The following TTF2 variants were observed in gnomAD, a reference collection of about 807,000 sequenced individuals.
TTF2 encodes the protein transcription termination factor 2.
In TTF2, 108 loss-of-function variants were observed where a neutral mutation model predicts 142.4. The observed-to-expected ratio is 0.76, with a 90% CI of 0.65 to 0.89. The LOEUF (loss-of-function observed/expected upper bound fraction) is 0.89. Among genes scored for constraint, TTF2 ranks in the 40% least tolerant of loss-of-function variants. The pLI is 0.00. For synonymous variants in TTF2, 483 were observed against 506.2 expected (o/e 0.95, Z 0.61); for missense variants, 1,327 against 1,379.8 (o/e 0.96, Z 0.61).
In TTF2 at chr1:117,103,909, C is replaced by G. The variant is rs867084893; in HGVS notation, c.*2385C>G. The G allele has an allele frequency of 6.7e-6, 1 of 148,740 alleles. No homozygotes were observed. The highest frequency in any genetic ancestry group is 2.5e-5 in the African/African-American group (1 of 39,930). The allele number at this position is 148,740 out of a possible 1,614,324, so 9.2% of individuals were successfully genotyped here. A position where few individuals can be genotyped will look rare whatever the true frequency, so the allele number is the denominator to read the frequency against. ...TGGAGGTTGCAGTGAGCTGAGATCG[C>G]GCCATTGCACTCCAGCCTGGTGACA... is the stretch of plus-strand genomic sequence containing the variant. On this transcript the variant is annotated 3_prime_UTR_variant, in exon 23 of 23. Coordinates refer to ENST00000369466, the MANE Select transcript of TTF2 (RefSeq NM_003594.4).
intron 16 of TTF2, 131 bp from the exon 17 acceptor site, chr1:117,091,686 A>T: frequency 8.2e-7 from 1 of 1,225,006 alleles, no homozygotes; most frequent in Non-Finnish European, 1.1e-6. Flanking sequence ...TGGCCTATAG[A>T]AGTGAGTTGT....
rs1170298777 is a variant in TTF2, at chr1:117,106,700, A to C, written c.*5176A>C. 1 of 152,204 alleles carries C rather than the reference A, an allele frequency of 6.6e-6. No individual in the cohort carries two copies. The highest frequency in any genetic ancestry group is 1.5e-5 in the Non-Finnish European group (1 of 68,060). The allele number at this position is 152,204 out of a possible 1,614,324, so 9.4% of individuals were successfully genotyped here. ...ATTTGACCTAGTTAGGGAAGATCTG[A>C]GGAAGTGATGAAAGAATGGAAATCA... On this transcript the variant is annotated 3_prime_UTR_variant, in exon 23 of 23. Coordinates refer to ENST00000369466, the MANE Select transcript of TTF2 (RefSeq NM_003594.4).
At chr1:117,083,184 G>A (rs1452787605) in intron 10 of TTF2, among the ~76,000 whole-genome samples, 9 of 151,230 alleles carry the variant, frequency 6.0e-5, no homozygotes, top group Admixed American at 5.9e-4. Context: ...AGAGCTTGCA[G>A]TGAGCCGAGA....
At position 117,092,732 on chromosome 1, in the gene TTF2, C is replaced by T; in HGVS notation, c.2807C>T (p.Ala936Val). 6.2e-7 allele frequency: 1 copy of T among 1,613,804 alleles called. No homozygotes were observed. Among genetic ancestry groups the T allele is most frequent in the South Asian group, 1.1e-5 (1 of 91,020 alleles). Residue 936 changes from alanine to valine, a missense_variant and splice_region_variant, in exon 18 of 23, where the codon GCC becomes GTC. By Grantham distance (64) the Ala-to-Val change is moderately conservative. Coordinates refer to ENST00000369466, the MANE Select transcript of TTF2 (RefSeq NM_003594.4). This position sits in a 1 kb window ranked among gnomAD's most constrained non-coding sequence, Gnocchi z 4.4. ...TCCTGTCCTTTTTTGTCTGTTCAGG[C>T]CCTGGATCCAATGGAACTGAAGGGT... Reference protein sequence around the residue: ...CCCHLSLLKSALDPMELKGEG... With the variant: ...CCCHLSLLKSVLDPMELKGEG...
rs1649951801 is a variant in TTF2, at chr1:117,106,460, C to T, written c.*4936C>T. On this transcript the variant is annotated 3_prime_UTR_variant, in exon 23 of 23. Coordinates refer to ENST00000369466, the MANE Select transcript of TTF2 (RefSeq NM_003594.4). ...CTATTTTCTTGCTTAATTATCCACA[C>T]AGTAATTCAGAAATGTATATTGAAC... 6.6e-6 allele frequency: 1 copy of T among 152,208 alleles called. No homozygotes were observed. The highest frequency in any genetic ancestry group is 2.4e-5 in the African/African-American group (1 of 41,458). 9.4% of individuals were successfully genotyped at this position (152,208 alleles called of 1,614,324 possible).
At chr1:117,091,723 A>G in intron 16 of TTF2, 94 bp from the exon 17 acceptor site, 1 of 1,466,404 alleles carries the variant, frequency 6.8e-7, no homozygotes, top group East Asian at 2.3e-5. Context: ...CTGAGATCAA[A>G]CATGGTTAAA....
chr1:117,064,839 CT>C (rs745329992), intron 3 of TTF2, among the ~76,000 whole-genome samples: 16,420 of 139,146 alleles, frequency 0.12, 1,163 homozygotes, highest in African/African-American at 0.21. Flanking sequence ...TTTTCTTCTT[CT>C]TTTTTTTTTT....
Position 117,075,091 on chromosome 1 carries a change from GA to G in TTF2, c.509del (p.Lys170SerfsTer4). 6.2e-7 allele frequency: 1 copy of G among 1,614,092 alleles called. No homozygotes were observed. The highest frequency in any genetic ancestry group is 2.2e-5 in the East Asian group (1 of 44,870). On this transcript the variant is annotated frameshift_variant, in exon 5 of 23. Coordinates refer to ENST00000369466, the MANE Select transcript of TTF2 (RefSeq NM_003594.4). LOFTEE classifies it high-confidence loss of function. The surrounding 1 kb of genome is among the most constrained non-coding windows in gnomAD (Gnocchi z 4.5). The part of the protein sequence containing the change: ...DQLFDQKKEQ[K>X]PEMMEKDLSS... ...AGCTTTTCGATCAAAAGAAAGAACAGAAGCCTGAAATGATGGAGAAAGACCT... is the reference window on the plus strand; with the variant it reads ...AGCTTTTCGATCAAAAGAAAGAACAGAGCCTGAAATGATGGAGAAAGACCT...
At chr1:117,066,013 T>G (rs1168091910) in intron 3 of TTF2, among the ~76,000 whole-genome samples, 1 of 83,660 alleles carries the variant, frequency 1.2e-5, no homozygotes, top group East Asian at 5.1e-4. Context: ...TTTTTTTTTT[T>G]TTTTGTAGAG....
At chr1:117,060,782 G>C (rs1236197187) in intron 2 of TTF2, among the ~76,000 whole-genome samples, 4 of 152,156 alleles carry the variant, frequency 2.6e-5, no homozygotes, top group Non-Finnish European at 5.9e-5. Context: ...CCCCTCTCTG[G>C]GCCGATGGTT....
Position 117,081,869 on chromosome 1 carries a change from C to G in TTF2, c.1825C>G (p.Leu609Val), listed in dbSNP as rs1362507064. ...GLGKTLTMIALILTQKNQEKK... is the reference protein window; with the variant it reads ...GLGKTLTMIAVILTQKNQEKK... ...AGGAAAAACCCTGACAATGATTGCG[C>G]TCATCCTGACCCAGAAGAATCAAGA... The change falls in exon 10 of 23, where the codon CTC (leucine) becomes GTC (valine). Residue 609 changes from leucine to valine, a missense_variant. Transcript: ENST00000369466. 1.9e-6 allele frequency: 3 copies of G among 1,614,042 alleles called. No homozygotes were observed. In the African/African-American group the frequency reaches 4.0e-5, roughly 22 times the overall value.
rs1489115076 is a variant in TTF2 at position 117,080,907 on chromosome 1, T to G, written c.1784-921T>G. 6.6e-6 allele frequency among the ~76,000 whole-genome samples: 1 copy of G among 152,114 alleles called. No homozygotes were observed. The highest frequency in any genetic ancestry group is 6.5e-5 in the Admixed American group (1 of 15,282). On this transcript the variant is annotated intron_variant, in intron 9 of 22. Coordinates refer to ENST00000369466, the MANE Select transcript of TTF2 (RefSeq NM_003594.4). This position sits in a 1 kb window ranked among gnomAD's most constrained non-coding sequence, Gnocchi z 4.3. ...GTCAAAGGTTCCCTAGGAAGCTCAT[T>G]AGAGATTTAATGCCCAAGGTTTTTA...
At position 117,070,874 on chromosome 1, in the gene TTF2, G is replaced by A. The variant is rs1265448484; in HGVS notation, c.219-2787G>A. 6.6e-6 allele frequency among the ~76,000 whole-genome samples: 1 copy of A among 152,086 alleles called. No individual in the cohort carries two copies. The highest frequency in any genetic ancestry group is 1.5e-5 in the Non-Finnish European group (1 of 68,024). The stretch of plus-strand genomic sequence containing the variant: ...TTTGGGCTTGTTCATCTTTGTTTAT[G>A]TGTCCTGGTGAAGTAGTGGCATCAA... On this transcript the variant is annotated intron_variant, in intron 3 of 22. Transcript: ENST00000369466. This position sits in a 1 kb window ranked among gnomAD's most constrained non-coding sequence, Gnocchi z 4.2.
chr1:117,075,920 G>A lies in TTF2; in HGVS notation c.1275+61G>A. The A allele has an allele frequency of 6.5e-7, 1 of 1,534,042 alleles. No individual in the cohort carries two copies. Among genetic ancestry groups the A allele is most frequent in the Non-Finnish European group, 8.7e-7 (1 of 1,147,854 alleles). On this transcript the variant is annotated intron_variant, in intron 5 of 22. Coordinates refer to ENST00000369466, the MANE Select transcript of TTF2 (RefSeq NM_003594.4). The surrounding 1 kb of genome is among the most constrained non-coding windows in gnomAD (Gnocchi z 4.5). ...AGCATTGCTTGTTATGGGCAGATAT[G>A]AGATCTCATTGCTACAGAAGGGTTA...
At position 117,090,574 on chromosome 1, in the gene TTF2, C is replaced by T. The variant is rs1648480131; in HGVS notation, c.2539C>T (p.Leu847Phe). 1 of 1,613,818 alleles carries T rather than the reference C, an allele frequency of 6.2e-7. No homozygotes were observed. Among genetic ancestry groups the T allele is most frequent in the Non-Finnish European group, 8.5e-7 (1 of 1,179,998 alleles). Residue 847 changes from leucine (L) to phenylalanine (F), a missense_variant, in exon 15 of 23, where the codon CTT becomes TTT. Transcript: ENST00000369466. This position sits in a 1 kb window ranked among gnomAD's most constrained non-coding sequence, Gnocchi z 4.8. ...QRKFQLHHLK[L>F]SEDEETVYNV... The stretch of plus-strand genomic sequence containing the variant: ...TAAATTTCAGTTGCACCATTTAAAG[C>T]TTTCTGAAGATGAAGAGACTGTTTA...
chr1:117,094,257 G>T (rs1201360217), intron 18 of TTF2, among the ~76,000 whole-genome samples: 1 of 152,166 alleles, frequency 6.6e-6, no homozygotes, highest in Admixed American at 6.5e-5. Flanking sequence ...TCACTGATGA[G>T]GAATCTGAGT....
At position 117,076,006 on chromosome 1, in the gene TTF2, T is replaced by C; in HGVS notation, c.1275+147T>C. ...CAGTTTCTGCCTTTTCCCCTATTTA[T>C]ATTTTCAAGATTGGTAAGCCAGCTG... On this transcript the variant is annotated intron_variant, in intron 5 of 22. Transcript: ENST00000369466. The surrounding 1 kb of genome is among the most constrained non-coding windows in gnomAD (Gnocchi z 4.6). 2.2e-6 allele frequency: 3 copies of C among 1,365,826 alleles called. No homozygotes were observed. Among genetic ancestry groups the C allele is most frequent in the East Asian group, 2.4e-5 (1 of 41,948 alleles). 84.6% of individuals were successfully genotyped at this position (1,365,826 alleles called of 1,614,324 possible).
rs1649983028 is a variant in TTF2, at chr1:117,106,855, A to G, written c.*5331A>G. Reference sequence around the variant, plus strand: ...CATACAGGGATACATTCTCTGGAGGAAAGTTGAGCAACTATTGCATTTGGG... The same window carrying G: ...CATACAGGGATACATTCTCTGGAGGGAAGTTGAGCAACTATTGCATTTGGG... On this transcript the variant is annotated 3_prime_UTR_variant, in exon 23 of 23. Transcript: ENST00000369466. 1 of 152,232 alleles carries G rather than the reference A, an allele frequency of 6.6e-6. No homozygotes were observed. Among genetic ancestry groups the G allele is most frequent in the Non-Finnish European group, 1.5e-5 (1 of 68,034 alleles). The allele number at this position is 152,232 out of a possible 1,614,324, so 9.4% of individuals were successfully genotyped here.
chr1:117,074,167 G>T (rs1241648567), intron 4 of TTF2, among the ~76,000 whole-genome samples: 1 of 152,104 alleles, frequency 6.6e-6, no homozygotes. Context: ...TAGAAGTAGG[G>T]AGGTGATAAG....
Sources: allele counts gnomAD v4.1 joint callset (sites outside exome capture counted in the v4.1 genomes callset), GRCh38; gene constraint gnomAD v4.1.1; non-coding constraint Gnocchi (gnomAD v3.1); transcripts MANE v1.5; gene names NCBI Gene and HGNC (gene_info 2026-07-23, HGNC 2026-07-21).